Variants in SLC8A1 observed in about 807,000 individuals in gnomAD.
SLC8A1 encodes the protein solute carrier family 8 member A1, also known as sodium/calcium exchanger 1.
SLC8A1 carries 18 observed loss-of-function variants against 68.3 expected under a neutral mutation model. That is an observed-to-expected ratio of 0.26 (90% confidence interval 0.18 to 0.39). SLC8A1 has a LOEUF of 0.39. Ranked by LOEUF, SLC8A1 falls within the 10% of genes least tolerant of loss-of-function variation. The probability of loss-of-function intolerance (pLI) is 1.00; values close to 1 mark genes in which losing one functional copy is unlikely to be tolerated. For synonymous variants in SLC8A1, 475 were observed against 415.5 expected (o/e 1.14, Z -1.74); for missense variants, 985 against 1,156.7 (o/e 0.85, Z 2.15).
At chr2:40,253,338 A>G (rs1262976827) in intron 2 of SLC8A1, among the ~76,000 whole-genome samples, 1 of 151,630 alleles carries the variant, frequency 6.6e-6, no homozygotes, top group Non-Finnish European at 1.5e-5. Context: ...ATGTGTATAT[A>G]TATACACACA....
chr2:40,396,228 T>G (rs1037028281), intron 2 of SLC8A1, among the ~76,000 whole-genome samples: 1 of 152,186 alleles, frequency 6.6e-6, no homozygotes. Context: ...TCAATTGTAC[T>G]AAGCATGACC....
chr2:40,459,452 C>T (rs1464775372), intron 1 of SLC8A1, among the ~76,000 whole-genome samples: 1 of 152,050 alleles, frequency 6.6e-6, no homozygotes, highest in Non-Finnish European at 1.5e-5. Flanking sequence ...AGCCATCGGA[C>T]TTTATCAGGG....
chr2:40,144,092 A>G (rs914048357), intron 6 of SLC8A1, among the ~76,000 whole-genome samples: 2 of 152,278 alleles, frequency 1.3e-5, no homozygotes, highest in East Asian at 3.9e-4. Context: ...ATATTCCATT[A>G]TTGTTACTTG....
intron 2 of SLC8A1, among the ~76,000 whole-genome samples, chr2:40,259,618 C>T (rs898963733): frequency 2.0e-5 from 3 of 152,170 alleles, no homozygotes; most frequent in African/African-American, 7.2e-5. Flanking sequence ...CAAGCATGTG[C>T]CACCATGCCC....
chr2:40,285,848 A>C (rs1364421298), intron 2 of SLC8A1, among the ~76,000 whole-genome samples: 1 of 152,184 alleles, frequency 6.6e-6, no homozygotes, highest in Non-Finnish European at 1.5e-5. Context: ...TTATAGATAG[A>C]ACTTTGTGCT....
At chr2:40,350,311 G>A (rs753545505) in intron 2 of SLC8A1, among the ~76,000 whole-genome samples, 1 of 151,920 alleles carries the variant, frequency 6.6e-6, no homozygotes, top group Non-Finnish European at 1.5e-5. Flanking sequence ...TGGAGACTCT[G>A]TCTCTACAAA....
At chr2:40,177,805 C>A in exon 3 of SLC8A1, 1 of 1,551,378 alleles carries the variant, frequency 6.4e-7, no homozygotes, top group Non-Finnish European at 8.7e-7. Context: ...GGAGAAACTG[C>A]ACTCTTTCTC....
At chr2:40,462,972 C>G (rs1231222867) in intron 1 of SLC8A1, among the ~76,000 whole-genome samples, 1 of 151,784 alleles carries the variant, frequency 6.6e-6, no homozygotes, top group East Asian at 1.9e-4. Context: ...TGAGTGACCA[C>G]TAAGCAAGGT....
At chr2:40,131,161 C>T (rs1486240088) in intron 7 of SLC8A1, among the ~76,000 whole-genome samples, 1 of 152,118 alleles carries the variant, frequency 6.6e-6, no homozygotes, top group Non-Finnish European at 1.5e-5. Context: ...ATTATTCTGG[C>T]TTAGAGGAGT....
At chr2:40,500,321 G>A (rs905655070) in intron 1 of SLC8A1, among the ~76,000 whole-genome samples, 3 of 151,786 alleles carry the variant, frequency 2.0e-5, no homozygotes, top group African/African-American at 7.3e-5. Context: ...GTGTTTCATT[G>A]TTTCTTAAAA....
chr2:40,489,074 T>C (rs1205533176), intron 1 of SLC8A1, among the ~76,000 whole-genome samples: 1 of 152,166 alleles, frequency 6.6e-6, no homozygotes, highest in East Asian at 1.9e-4. Context: ...CAGCATTAAC[T>C]ACTTTACCAA....
intron 2 of SLC8A1, among the ~76,000 whole-genome samples, chr2:40,385,297 A>T (rs1443592977): frequency 6.8e-6 from 1 of 146,440 alleles, no homozygotes; most frequent in Non-Finnish European, 1.5e-5. Context: ...GAGACATACT[A>T]CTGTAACTCT....
At chr2:40,355,089 G>C (rs561917739) in intron 2 of SLC8A1, among the ~76,000 whole-genome samples, 13 of 152,228 alleles carry the variant, frequency 8.5e-5, no homozygotes, top group African/African-American at 2.6e-4. Flanking sequence ...CTCTTGTATT[G>C]CAAGAACTGA....
At chr2:40,431,516 A>G (rs537530493) in intron 1 of SLC8A1, among the ~76,000 whole-genome samples, 97 of 152,176 alleles carry the variant, frequency 6.4e-4, no homozygotes, top group African/African-American at 2.1e-3. Flanking sequence ...AGCTCAAGCA[A>G]AACTCTACTC....
intron 1 of SLC8A1, among the ~76,000 whole-genome samples, chr2:40,493,605 A>C (rs947325809): frequency 6.6e-6 from 1 of 151,664 alleles, no homozygotes; most frequent in Non-Finnish European, 1.5e-5. Flanking sequence ...ACCAAGCCTA[A>C]ACCACACTTC....
At chr2:40,166,994 C>G (rs1187942079) in intron 4 of SLC8A1, among the ~76,000 whole-genome samples, 2 of 152,166 alleles carry the variant, frequency 1.3e-5, no homozygotes, top group Non-Finnish European at 1.5e-5. Flanking sequence ...TTTAATGGGA[C>G]TCAAGGCAAT....
At position 40,295,663 on chromosome 2, in the gene SLC8A1, A is replaced by T. The variant is rs531749329; in HGVS notation, c.1809-117808T>A. Among the ~76,000 whole-genome samples, 99 of 152,306 alleles carry T rather than the reference A, an allele frequency of 6.5e-4. 1 individual carries two copies. Among genetic ancestry groups the T allele is most frequent in the African/African-American group, 2.3e-3 (96 of 41,582 alleles). On this transcript the variant is annotated intron_variant, in intron 2 of 7. Transcript: ENST00000406785. ...ATAAGAATGAAATGAGGCACAAGAA[A>T]CACCTGTGAATCATGAAGTATTGAC...
At chr2:40,148,353 G>T (rs2042836785) in intron 6 of SLC8A1, among the ~76,000 whole-genome samples, 3 of 152,172 alleles carry the variant, frequency 2.0e-5, no homozygotes, top group Admixed American at 6.6e-5. Context: ...GGCAGCAAAT[G>T]GAAAGGACGC....
At chr2:40,318,390 T>C (rs1356281483) in intron 2 of SLC8A1, among the ~76,000 whole-genome samples, 1 of 152,074 alleles carries the variant, frequency 6.6e-6, no homozygotes, top group African/African-American at 2.4e-5. Flanking sequence ...TGACTCACAC[T>C]TACTATGTAC....
Sources: gnomAD v4.1 joint callset for allele counts (sites outside exome capture counted in the v4.1 genomes callset) on GRCh38, gnomAD v4.1.1 for gene constraint, MANE v1.5 for transcripts, NCBI Gene and HGNC (gene_info 2026-07-23, HGNC 2026-07-21) for gene names.